THADA: variants seen among roughly 807,000 people sequenced by gnomAD.
The protein encoded by THADA is THADA armadillo repeat containing, also known as tRNA (32-2'-O)-methyltransferase regulator THADA.
In THADA, 213 loss-of-function variants were observed where a neutral mutation model predicts 219.8. That is an observed-to-expected ratio of 0.97 (90% CI 0.87 to 1.09). THADA has a LOEUF of 1.09. Ranked by LOEUF, THADA falls within the 50% of genes least tolerant of loss-of-function variation. THADA has a pLI of 0.00. For synonymous variants in THADA, 1,018 were observed against 828.9 expected, an observed-to-expected ratio of 1.23 and a Z score of -3.92; for missense variants, 2,956 against 2,311.3, an observed-to-expected ratio of 1.28 and a Z score of -5.72.
chr2:43,271,910 C>G (rs79009976), intron 36 of THADA, among the ~76,000 whole-genome samples: 2 of 152,116 alleles, frequency 1.3e-5, no homozygotes, highest in Admixed American at 1.3e-4. Context: ...CCACCACGCC[C>G]GGCCTCTCTT....
At chr2:43,369,757 T>G (rs1293513085) in intron 29 of THADA, among the ~76,000 whole-genome samples, 1 of 152,218 alleles carries the variant, frequency 6.6e-6, no homozygotes, top group Admixed American at 6.5e-5. Context: ...AATCTTCCTG[T>G]TTTTGTCAGT....
intron 29 of THADA, among the ~76,000 whole-genome samples, chr2:43,358,783 A>G (rs1040439781): frequency 4.6e-5 from 7 of 152,170 alleles, no homozygotes; most frequent in Non-Finnish European, 8.8e-5. Context: ...CTGGCTTCCA[A>G]TGCACTGTGG....
intron 17 of THADA, among the ~76,000 whole-genome samples, chr2:43,555,708 T>G (rs184036403): frequency 1.3e-5 from 2 of 152,292 alleles, no homozygotes; most frequent in African/African-American, 2.4e-5. Flanking sequence ...AGTTCTCTTT[T>G]TCATGGCTGT....
At chr2:43,381,549 C>T (rs1338444716) in intron 29 of THADA, among the ~76,000 whole-genome samples, 1 of 151,248 alleles carries the variant, frequency 6.6e-6, no homozygotes, top group African/African-American at 2.4e-5. Context: ...ACTTCTAAGC[C>T]ATGTGATTAA....
At chr2:43,526,253 C>G (rs1332687147) in intron 22 of THADA, among the ~76,000 whole-genome samples, 1 of 152,082 alleles carries the variant, frequency 6.6e-6, no homozygotes, top group Non-Finnish European at 1.5e-5. Flanking sequence ...ACTGGTATTC[C>G]TCCATTCTAT....
chr2:43,572,698 T>C lies in THADA; in HGVS notation c.1908+116A>G, dbSNP rs138195131. 0.019 allele frequency: 15,540 copies of C among 839,358 alleles called. 207 individuals carry two copies. The highest frequency in any genetic ancestry group is 0.021 in the Non-Finnish European group (12,212 of 582,842). The allele number at this position is 839,358 out of a possible 1,614,324, so 52.0% of individuals were successfully genotyped here. A position where few individuals can be genotyped will look rare whatever the true frequency, so the allele number is the denominator to read the frequency against. On this transcript the variant is annotated intron_variant, in intron 12 of 37. Transcript: ENST00000405975. ...GTTGGGAGACTAGGGTTTCTACTCATTCTCTTTATGAACTCCCTAAAACAG... is the reference window on the plus strand; with the variant it reads ...GTTGGGAGACTAGGGTTTCTACTCACTCTCTTTATGAACTCCCTAAAACAG...
chr2:43,273,460 C>A (rs1672361884), intron 36 of THADA, among the ~76,000 whole-genome samples: 1 of 152,100 alleles, frequency 6.6e-6, no homozygotes, highest in African/African-American at 2.4e-5. Flanking sequence ...TGGGGCCAGG[C>A]TCTGGCACCA....
At chr2:43,532,827 G>A (rs1419265080) in intron 21 of THADA, among the ~76,000 whole-genome samples, 1 of 152,168 alleles carries the variant, frequency 6.6e-6, no homozygotes, top group Admixed American at 6.6e-5. Flanking sequence ...TCACGACATA[G>A]GCATGGGCAA....
Position 43,577,066 on chromosome 2 carries a change from G to A in THADA, c.993C>T (p.Ala331=), listed in dbSNP as rs776850584. Residue 331 remains alanine, a synonymous_variant, in exon 10 of 38, where the codon GCC becomes GCT. Transcript: ENST00000405975. ...QNGSMGRSGE[A]LLLDTAHVLF... ...AAACATGTGCAGTATCCAAGAGCAGGGCCTCCCCACTCCGACCCATGCTTC... is the reference window on the plus strand; with the variant it reads ...AAACATGTGCAGTATCCAAGAGCAGAGCCTCCCCACTCCGACCCATGCTTC... 17 of 1,613,386 alleles carry A rather than the reference G, an allele frequency of 1.1e-5. No homozygotes were observed. The Admixed American group carries it at 2.0e-4, about 19-fold the overall frequency.
At chr2:43,568,708 A>G (rs1200210097) in intron 14 of THADA, among the ~76,000 whole-genome samples, 1 of 152,158 alleles carries the variant, frequency 6.6e-6, no homozygotes, top group Non-Finnish European at 1.5e-5. Flanking sequence ...TCTAAGAGAA[A>G]CTACAAAATA....
At chr2:43,296,451 T>A (rs1675396258) in intron 31 of THADA, among the ~76,000 whole-genome samples, 1 of 151,826 alleles carries the variant, frequency 6.6e-6, no homozygotes, top group African/African-American at 2.4e-5. Context: ...AATTTTTGTA[T>A]TTTTAGTAGA....
intron 28 of THADA, among the ~76,000 whole-genome samples, chr2:43,415,609 G>T (rs1573537059): frequency 6.6e-6 from 1 of 152,192 alleles, no homozygotes; most frequent in East Asian, 1.9e-4. Flanking sequence ...ATCCAAGGTT[G>T]GGCCAGGGTG....
In THADA at chr2:43,399,223, A is replaced by T. The variant is rs1674477083; in HGVS notation, c.4059-1084T>A. ...ATTAAAAAGGTAACTCAACTTACAG[A>T]AATATCTTAGATCACAAGAATAGGG... On this transcript the variant is annotated intron_variant, in intron 28 of 37. Coordinates refer to ENST00000405975, the MANE Select transcript of THADA (RefSeq NM_022065.5). Among the ~76,000 whole-genome samples the T allele has an allele frequency of 2.0e-5, 3 of 152,350 alleles. No individual in the cohort carries two copies. The South Asian group carries it at 6.2e-4, about 32-fold the overall frequency.
At chr2:43,528,419 T>C (rs1226787972) in intron 21 of THADA, among the ~76,000 whole-genome samples, 1 of 152,274 alleles carries the variant, frequency 6.6e-6, no homozygotes, top group East Asian at 1.9e-4. Context: ...CGTGAGCCAC[T>C]GTGCCCAGCC....
chr2:43,348,541 G>C (rs1303638476), intron 29 of THADA, among the ~76,000 whole-genome samples: 1 of 152,176 alleles, frequency 6.6e-6, no homozygotes, highest in Admixed American at 6.5e-5. Context: ...GCACGGGTAG[G>C]ATTCTGATTT....
chr2:43,435,056 A>C (rs1384822194), intron 26 of THADA, among the ~76,000 whole-genome samples: 1 of 152,146 alleles, frequency 6.6e-6, no homozygotes, highest in Non-Finnish European at 1.5e-5. Context: ...ACACCTTGTG[A>C]GGGGGACTCA....
At chr2:43,284,313 C>T (rs971818500) in intron 35 of THADA, among the ~76,000 whole-genome samples, 2 of 152,178 alleles carry the variant, frequency 1.3e-5, no homozygotes, top group East Asian at 1.9e-4. Context: ...TTTCTTAGGC[C>T]AGGCCCAGGG....
chr2:43,523,806 G>A (rs1022614409), intron 22 of THADA, among the ~76,000 whole-genome samples: 1 of 152,108 alleles, frequency 6.6e-6, no homozygotes, highest in African/African-American at 2.4e-5. Flanking sequence ...AAAGCAATTC[G>A]AATATTTGAA....
chr2:43,256,134 G>A (rs1670284625), intron 36 of THADA, among the ~76,000 whole-genome samples: 1 of 152,192 alleles, frequency 6.6e-6, no homozygotes, highest in Non-Finnish European at 1.5e-5. Flanking sequence ...ATCCAAGATA[G>A]AAGGAATAAA....
Sources: gnomAD v4.1 joint callset for allele counts (sites outside exome capture counted in the v4.1 genomes callset) on GRCh38, gnomAD v4.1.1 for gene constraint, MANE v1.5 for transcripts, NCBI Gene and HGNC (gene_info 2026-07-23, HGNC 2026-07-21) for gene names.